Variants in GLRX3 observed in about 807,000 individuals in gnomAD.
The protein encoded by GLRX3 is glutaredoxin-3.
In GLRX3, 22 loss-of-function variants were observed where a neutral mutation model predicts 49.5. The ratio of observed to expected loss-of-function variants is 0.44; its 90% CI spans 0.32 to 0.63. GLRX3 has a LOEUF of 0.63. Ranked by LOEUF, GLRX3 falls within the 30% of genes least tolerant of loss-of-function variation. The pLI is 0.05. For synonymous variants in GLRX3, 133 were observed against 140.0 expected (o/e 0.95, Z 0.35); for missense variants, 385 against 396.3 (o/e 0.97, Z 0.24).
At chr10:130,164,968 A>G (rs1334930406) in intron 4 of GLRX3, among the ~76,000 whole-genome samples, 1 of 152,262 alleles carries the variant, frequency 6.6e-6, no homozygotes, top group Non-Finnish European at 1.5e-5. Flanking sequence ...AGATGTAGGA[A>G]AAGCAACTTA....
chr10:130,161,015 A>G lies in GLRX3; in HGVS notation c.478+18A>G, dbSNP rs1437385182. Reference sequence around the variant, plus strand: ...ACGCTGTGGTAAGAAGCTGCCTTTAACATAATATAAACAAAATGGGTGCTT... The same window carrying G: ...ACGCTGTGGTAAGAAGCTGCCTTTAGCATAATATAAACAAAATGGGTGCTT... On this transcript the variant is annotated intron_variant, in intron 4 of 10. Coordinates refer to ENST00000331244, the MANE Select transcript of GLRX3 (RefSeq NM_006541.5). 5 of 1,581,878 alleles carry G rather than the reference A, an allele frequency of 3.2e-6. No individual in the cohort carries two copies. The Admixed American group carries it at 5.0e-5, about 16-fold the overall frequency.
intron 10 of GLRX3, among the ~76,000 whole-genome samples, chr10:130,178,217 T>A (rs1211536407): frequency 1.3e-5 from 2 of 152,142 alleles, no homozygotes; most frequent in Non-Finnish European, 2.9e-5. Flanking sequence ...AGCATCATAT[T>A]TGAGTAGACT....
rs531300280 is a variant in GLRX3, at chr10:130,140,957, C to G, written c.93-4254C>G. Among the ~76,000 whole-genome samples, 6 of 152,290 alleles carry G rather than the reference C, an allele frequency of 3.9e-5. No homozygotes were observed. In the East Asian group the frequency reaches 9.6e-4, roughly 24 times the overall value. On this transcript the variant is annotated intron_variant, in intron 1 of 10. Coordinates refer to ENST00000331244, the MANE Select transcript of GLRX3 (RefSeq NM_006541.5). The stretch of plus-strand genomic sequence containing the variant: ...ATTGATACTTATGTGTAAGAAATTT[C>G]TGAAAGGTCCCAATTTAATTTTTAC...
At chr10:130,169,731 T>TA (rs1450633003) in intron 7 of GLRX3, among the ~76,000 whole-genome samples, 1 of 152,256 alleles carries the variant, frequency 6.6e-6, no homozygotes, top group Admixed American at 6.5e-5. Flanking sequence ...TCAGCTAATG[T>TA]GGTCAACACT....
chr10:130,164,048 C>G (rs1459877381), intron 4 of GLRX3, among the ~76,000 whole-genome samples: 1 of 152,150 alleles, frequency 6.6e-6, no homozygotes, highest in East Asian at 1.9e-4. Flanking sequence ...TCTAGAAAAC[C>G]TTGAAAGCCA....
chr10:130,165,186 A>T (rs969105632), intron 4 of GLRX3, among the ~76,000 whole-genome samples: 1 of 152,238 alleles, frequency 6.6e-6, no homozygotes, highest in African/African-American at 2.4e-5. Flanking sequence ...TCTTATAGAA[A>T]TTTTGAATCT....
intron 1 of GLRX3, among the ~76,000 whole-genome samples, chr10:130,143,554 G>A (rs1485697220): frequency 2.0e-5 from 3 of 151,304 alleles, no homozygotes; most frequent in Admixed American, 2.0e-4. Context: ...TTTTTAAATG[G>A]GTCTTGCTCT....
Position 130,145,258 on chromosome 10 carries a change from C to T in GLRX3, c.140C>T (p.Ala47Val). The T allele has an allele frequency of 1.3e-6, 2 of 1,580,608 alleles. No individual in the cohort carries two copies. The highest frequency in any genetic ancestry group is 1.7e-6 in the Non-Finnish European group (2 of 1,150,406). ...TGGGCACCATGGGCTCCACAGTGTGCACAGATGAACGAAGTTATGGCAGAG... is the reference window on the plus strand; with the variant it reads ...TGGGCACCATGGGCTCCACAGTGTGTACAGATGAACGAAGTTATGGCAGAG... ...HFWAPWAPQC[A>V]QMNEVMAELA... The change falls in exon 2 of 11, where the codon GCA (alanine) becomes GTA (valine). Residue 47 changes from alanine (A) to valine (V), a missense_variant. Physicochemically the swap from Ala to Val is moderately conservative, Grantham distance 64. Transcript: ENST00000331244.
At chr10:130,152,974 A>G (rs937634250) in intron 2 of GLRX3, among the ~76,000 whole-genome samples, 4 of 152,086 alleles carry the variant, frequency 2.6e-5, no homozygotes, top group East Asian at 3.9e-4. Flanking sequence ...ACATAGTCTC[A>G]TATTTCTTGG....
chr10:130,138,565 G>A (rs560789349), intron 1 of GLRX3, among the ~76,000 whole-genome samples: 33 of 152,286 alleles, frequency 2.2e-4, no homozygotes, highest in South Asian at 6.2e-4. Context: ...GGCATTTCAG[G>A]TTTACCTGGG....
At position 130,145,271 on chromosome 10, in the gene GLRX3, A is replaced by G. The variant is rs775246586; in HGVS notation, c.153A>G (p.Glu51=). The change falls in exon 2 of 11, where the codon GAA becomes GAG. Residue 51 remains glutamate (E), a synonymous_variant. Transcript: ENST00000331244. ...CTCCACAGTGTGCACAGATGAACGA[A>G]GTTATGGCAGAGTTAGCTAAAGAAC... is the stretch of plus-strand genomic sequence containing the variant. ...PWAPQCAQMN[E]VMAELAKELP... 4.2e-5 allele frequency: 67 copies of G among 1,577,546 alleles called. No individual in the cohort carries two copies. Among genetic ancestry groups the G allele is most frequent in the Non-Finnish European group, 5.7e-5 (65 of 1,147,342 alleles).
chr10:130,166,364 T>G, intron 4 of GLRX3, 143 bp from the exon 5 acceptor site: 1 of 580,192 alleles, frequency 1.7e-6, no homozygotes. Context: ...TGTATATTAT[T>G]CAGCCATGCT....
rs141550793 is a variant in GLRX3, at chr10:130,158,354, A to G, written c.202-1641A>G. 2.6e-3 allele frequency among the ~76,000 whole-genome samples: 398 copies of G among 152,286 alleles called. 1 individual carries two copies. Among genetic ancestry groups the G allele is most frequent in the African/African-American group, 9.0e-3 (372 of 41,550 alleles). ...CAGCATCCCGAGTAGCCGGGATTAC[A>G]GGCACCCGCCATCATGCCTGGCTAA... On this transcript the variant is annotated intron_variant, in intron 2 of 10. Transcript: ENST00000331244.
chr10:130,143,305 A>G (rs1862209571), intron 1 of GLRX3, among the ~76,000 whole-genome samples: 1 of 151,908 alleles, frequency 6.6e-6, no homozygotes, highest in Admixed American at 6.6e-5. Flanking sequence ...TTCCTTACCC[A>G]TAGGTTAGTT....
chr10:130,139,809 T>C (rs1197480656), intron 1 of GLRX3, among the ~76,000 whole-genome samples: 1 of 151,982 alleles, frequency 6.6e-6, no homozygotes, highest in Non-Finnish European at 1.5e-5. Flanking sequence ...ATGCCTGTAG[T>C]CCCCAGCTAC....
chr10:130,159,728 C>A, intron 2 of GLRX3: 1 of 1,119,914 alleles, frequency 8.9e-7, no homozygotes, highest in Admixed American at 3.9e-5. Flanking sequence ...ACTAGTGCAC[C>A]AAAAATTTTA....
At chr10:130,164,803 C>T (rs11017113) in intron 4 of GLRX3, among the ~76,000 whole-genome samples, 87,812 of 152,082 alleles carry the variant, frequency 0.58, 26,021 homozygotes, top group African/African-American at 0.7. Context: ...AATAAAGCTT[C>T]TTCTCAGCCA....
chr10:130,175,559 A>C (rs902406479), intron 10 of GLRX3, among the ~76,000 whole-genome samples: 1 of 152,176 alleles, frequency 6.6e-6, no homozygotes, highest in Non-Finnish European at 1.5e-5. Context: ...GATGCTTGGA[A>C]ATCTGTTATC....
intron 2 of GLRX3, among the ~76,000 whole-genome samples, chr10:130,159,000 T>C (rs1862527740): frequency 6.6e-6 from 1 of 152,312 alleles, no homozygotes; most frequent in Admixed American, 6.5e-5. Context: ...TGGGTAGATA[T>C]AACCTGATTG....
Sources: allele counts gnomAD v4.1 joint callset (sites outside exome capture counted in the v4.1 genomes callset), GRCh38; gene constraint gnomAD v4.1.1; transcripts MANE v1.5; gene names NCBI Gene and HGNC (gene_info 2026-07-23, HGNC 2026-07-21).